Variants in SATB2 observed in about 807,000 individuals in gnomAD.
The protein encoded by SATB2 is SATB homeobox 2.
In SATB2, 1 loss-of-function variant was observed where a neutral mutation model predicts 73.4. The observed-to-expected ratio is 0.01, with a 90% CI of 0.00 to 0.06. SATB2 has a LOEUF of 0.06. Ranked by LOEUF, SATB2 falls within the 10% of genes least tolerant of loss-of-function variation. The pLI, the probability that SATB2 is intolerant of heterozygous loss-of-function variation, is 1.00. For synonymous variants in SATB2, 397 were observed against 367.0 expected, an observed-to-expected ratio of 1.08 and a Z score of -0.93; for missense variants, 459 against 945.8, an observed-to-expected ratio of 0.49 and a Z score of 6.75.
upstream of SATB2, among the ~76,000 whole-genome samples, chr2:199,469,451 T>C (rs1692661222): frequency 6.8e-6 from 1 of 146,192 alleles, no homozygotes; most frequent in African/African-American, 2.6e-5. Flanking sequence ...CCGGCATCGC[T>C]CACTACTCCT....
rs1692164646 is a variant in SATB2 at position 199,271,748 on chromosome 2, C to G, written c.*463G>C. The G allele has an allele frequency of 6.3e-6, 1 of 159,530 alleles. No individual in the cohort carries two copies. Among genetic ancestry groups the G allele is most frequent in the Admixed American group, 5.9e-5 (1 of 16,844 alleles). 9.9% of individuals were successfully genotyped at this position (159,530 alleles called of 1,614,324 possible). A position where few individuals can be genotyped will look rare whatever the true frequency, so the allele number is the denominator to read the frequency against. On this transcript the variant is annotated 3_prime_UTR_variant, in exon 11 of 11. Transcript: ENST00000417098. ...AGTCTATTCTTTCGGATTGCAAAGTCTCTGTCCCATGCAATTTTAATATAT... is the reference window on the plus strand; with the variant it reads ...AGTCTATTCTTTCGGATTGCAAAGTGTCTGTCCCATGCAATTTTAATATAT...
intron 10 of SATB2, among the ~76,000 whole-genome samples, chr2:199,283,956 G>A (rs1288847758): frequency 6.6e-6 from 1 of 152,166 alleles, no homozygotes; most frequent in Non-Finnish European, 1.5e-5. Flanking sequence ...TTGTCATGGA[G>A]TATCAATTTG....
intron 2 of SATB2, among the ~76,000 whole-genome samples, chr2:199,444,456 A>G (rs1031400112): frequency 1.3e-5 from 2 of 152,186 alleles, no homozygotes; most frequent in African/African-American, 2.4e-5. Flanking sequence ...AAGTATTAAC[A>G]CCTTAATCTC....
At chr2:199,367,687 T>C (rs1041440309) in intron 6 of SATB2, among the ~76,000 whole-genome samples, 1 of 152,156 alleles carries the variant, frequency 6.6e-6, no homozygotes, top group Admixed American at 6.5e-5. Flanking sequence ...GTGATAAATA[T>C]GTCATACTTA....
chr2:199,314,343 A>G (rs1463484845), intron 9 of SATB2, among the ~76,000 whole-genome samples: 1 of 151,350 alleles, frequency 6.6e-6, no homozygotes, highest in African/African-American at 2.5e-5. Flanking sequence ...TCAAATTCAG[A>G]AAGTTATTGT....
At chr2:199,396,442 T>C (rs1690303458) in intron 3 of SATB2, 1 of 152,226 alleles carries the variant, frequency 6.6e-6, no homozygotes, top group Admixed American at 6.5e-5. Flanking sequence ...ATACTTGTTA[T>C]TACAAGTGTA....
Position 199,298,747 on chromosome 2 carries a change from A to G in SATB2, c.1740+10013T>C, listed in dbSNP as rs1687191767. On this transcript the variant is annotated intron_variant, in intron 10 of 10. Transcript: ENST00000417098. ...AAATCAAAGTATGTGAAACAAGTGCACTGACCAAACAGAGTGAAATAATGA... is the reference window on the plus strand; with the variant it reads ...AAATCAAAGTATGTGAAACAAGTGCGCTGACCAAACAGAGTGAAATAATGA... 2.0e-5 allele frequency among the ~76,000 whole-genome samples: 3 copies of G among 152,208 alleles called. No individual in the cohort carries two copies. In the South Asian group the frequency reaches 6.2e-4, roughly 31 times the overall value.
chr2:199,380,782 G>T (rs1283861415), intron 4 of SATB2, among the ~76,000 whole-genome samples: 1 of 152,156 alleles, frequency 6.6e-6, no homozygotes, highest in Non-Finnish European at 1.5e-5. Flanking sequence ...GAAATGGCAT[G>T]GCAGTGTGGT....
intron 3 of SATB2, among the ~76,000 whole-genome samples, chr2:199,390,627 A>G (rs957105872): frequency 6.6e-6 from 1 of 152,212 alleles, no homozygotes; most frequent in Non-Finnish European, 1.5e-5. Context: ...AGCAGATGCT[A>G]TTCATAACTT....
chr2:199,345,936 T>C (rs906129092), intron 7 of SATB2, among the ~76,000 whole-genome samples: 2 of 152,172 alleles, frequency 1.3e-5, no homozygotes, highest in African/African-American at 4.8e-5. Flanking sequence ...ATTATCTACC[T>C]TTCTTATCAA....
upstream of SATB2, among the ~76,000 whole-genome samples, chr2:199,468,473 A>G (rs1401066532): frequency 6.6e-6 from 1 of 152,156 alleles, no homozygotes; most frequent in African/African-American, 2.4e-5. Flanking sequence ...GGGCCTAAGC[A>G]TCCAACTGAG....
chr2:199,323,956 G>A lies in SATB2; in HGVS notation c.1389C>T (p.Ala463=). ...GGTCTGTTGTCGGTGTCGAGGTTTT[G>A]GCCTACCAAGAGACCATGAAAATAA... ...SSPSSSRTPQ[A]KTSTPTTDLP... Residue 463 remains alanine (A), a splice_region_variant and synonymous_variant, in exon 9 of 11, where the codon GCC becomes GCT. Coordinates refer to ENST00000417098, the MANE Select transcript of SATB2 (RefSeq NM_001172509.2). 5 of 1,613,108 alleles carry A rather than the reference G, an allele frequency of 3.1e-6. No individual in the cohort carries two copies. Among genetic ancestry groups the A allele is most frequent in the South Asian group, 1.1e-5 (1 of 91,026 alleles).
At chr2:199,359,527 T>C (rs1268656722) in intron 6 of SATB2, among the ~76,000 whole-genome samples, 1 of 152,120 alleles carries the variant, frequency 6.6e-6, no homozygotes, top group Non-Finnish European at 1.5e-5. Flanking sequence ...ACAGATCAGG[T>C]AGCAAATAAG....
upstream of SATB2, chr2:199,460,313 A>G (rs368761171): frequency 1.2e-4 from 19 of 152,454 alleles, no homozygotes; most frequent in East Asian, 2.6e-3. The surrounding 1 kb of genome is among the most constrained non-coding windows in gnomAD (Gnocchi z 4.0). Flanking sequence ...TTTTTCTTCA[A>G]TCTGTAATAT....
intron 3 of SATB2, among the ~76,000 whole-genome samples, chr2:199,414,528 G>T (rs946904660): frequency 2.0e-5 from 3 of 152,104 alleles, no homozygotes; most frequent in African/African-American, 7.2e-5. Flanking sequence ...GACTGATCCG[G>T]AAAGAGTCCA....
At chr2:199,294,365 A>G (rs947452314) in intron 10 of SATB2, among the ~76,000 whole-genome samples, 1 of 152,154 alleles carries the variant, frequency 6.6e-6, no homozygotes, top group Non-Finnish European at 1.5e-5. Context: ...CTCCTGGTAA[A>G]TCAGTAGTTC....
chr2:199,398,285 G>A (rs1479817339), intron 3 of SATB2, among the ~76,000 whole-genome samples: 4 of 152,150 alleles, frequency 2.6e-5, no homozygotes, highest in Admixed American at 6.5e-5. Flanking sequence ...TGGTAACCTT[G>A]GAGAAAACAA....
chr2:199,306,870 C>A (rs922371433), intron 10 of SATB2, among the ~76,000 whole-genome samples: 18 of 152,298 alleles, frequency 1.2e-4, no homozygotes, highest in African/African-American at 4.3e-4. Flanking sequence ...TTACATTTAT[C>A]TCAAATTTCT....
intron 8 of SATB2, among the ~76,000 whole-genome samples, chr2:199,326,571 T>A (rs1160372641): frequency 2.0e-5 from 3 of 152,122 alleles, no homozygotes; most frequent in African/African-American, 7.2e-5. Context: ...CACAGACCTG[T>A]GTTAATTTCT....
Sources: gnomAD v4.1 joint callset for allele counts (sites outside exome capture counted in the v4.1 genomes callset) on GRCh38, gnomAD v4.1.1 for gene constraint, Gnocchi (gnomAD v3.1) non-coding constraint, MANE v1.5 for transcripts, NCBI Gene and HGNC (gene_info 2026-07-23, HGNC 2026-07-21) for gene names.